Variants in SUPT3H observed in about 807,000 individuals in gnomAD.
The protein encoded by SUPT3H is transcription initiation protein SPT3 homolog.
In SUPT3H, 44 loss-of-function variants were observed where a neutral mutation model predicts 44.3. The ratio of observed to expected loss-of-function variants is 0.99; its 90% confidence interval spans 0.78 to 1.28. The LOEUF (loss-of-function observed/expected upper bound fraction) is 1.28. Among genes scored for constraint, SUPT3H ranks in the 50% most tolerant of loss-of-function variants. SUPT3H has a pLI of 0.00. For missense variants in SUPT3H, 380 were observed against 387.1 expected (o/e 0.98, Z 0.15); for synonymous variants, 124 against 125.6 (o/e 0.99, Z 0.09).
intron 2 of SUPT3H, among the ~76,000 whole-genome samples, chr6:45,276,138 CTGTT>C (rs1276974848): frequency 2.0e-5 from 3 of 152,092 alleles, no homozygotes; most frequent in South Asian, 4.1e-4. Flanking sequence ...TACTGCATTA[CTGTT>C]TATTTTACCA....
chr6:45,046,875 A>G (rs1318214105), intron 3 of SUPT3H, among the ~76,000 whole-genome samples: 1 of 152,186 alleles, frequency 6.6e-6, no homozygotes, highest in Non-Finnish European at 1.5e-5. Flanking sequence ...ACTCCTCTCA[A>G]TATAGTTAAG....
intron 3 of SUPT3H, among the ~76,000 whole-genome samples, chr6:45,026,747 G>T (rs1483983604): frequency 6.6e-6 from 1 of 151,968 alleles, no homozygotes; most frequent in Non-Finnish European, 1.5e-5. Flanking sequence ...AAAATTATCA[G>T]ATGACTTATT....
intron 2 of SUPT3H, among the ~76,000 whole-genome samples, chr6:45,142,736 C>CA (rs70993502): frequency 0.015 from 220 of 14,964 alleles, 67 homozygotes; most frequent in African/African-American, 0.026. Context: ...AACTCCGTCT[C>CA]AAAAAAAAAA....
In SUPT3H at chr6:45,329,426, G is replaced by C. The variant is rs151007996; in HGVS notation, c.101+35775C>G. Among the ~76,000 whole-genome samples, 1,326 of 151,974 alleles carry C rather than the reference G, an allele frequency of 8.7e-3. 10 individuals are homozygous for C. Among genetic ancestry groups the C allele is most frequent in the Non-Finnish European group, 0.014 (941 of 67,876 alleles). ...AAGCACATCACAGCCATTTTTAAAA[G>C]ATCTTTATAGTTGCCCAGGATATTA... On this transcript the variant is annotated intron_variant, in intron 2 of 10. Coordinates refer to ENST00000371459, the MANE Select transcript of SUPT3H (RefSeq NM_003599.4).
chr6:45,075,881 A>G (rs1411148), intron 3 of SUPT3H, among the ~76,000 whole-genome samples: 88,166 of 151,690 alleles, frequency 0.58, 26,540 homozygotes, highest in African/African-American at 0.74. Context: ...ATCTAAAATT[A>G]CTATGCTTGT....
At chr6:45,088,620 C>T (rs995944244) in intron 3 of SUPT3H, among the ~76,000 whole-genome samples, 2 of 151,988 alleles carry the variant, frequency 1.3e-5, no homozygotes, top group Non-Finnish European at 2.9e-5. Context: ...CAAAAACATT[C>T]CAGTCTACAA....
chr6:45,155,979 C>G (rs1285031), intron 2 of SUPT3H, among the ~76,000 whole-genome samples: 129,166 of 152,076 alleles, frequency 0.85, 55,118 homozygotes, highest in African/African-American at 0.89. Context: ...AATTCAAGGA[C>G]AATAAAGCCA....
intron 2 of SUPT3H, among the ~76,000 whole-genome samples, chr6:45,176,066 G>A (rs1009336082): frequency 1.3e-5 from 2 of 152,134 alleles, no homozygotes; most frequent in Non-Finnish European, 1.5e-5. Flanking sequence ...ATCTTGGGGG[G>A]AGGAGCCAAG....
downstream of SUPT3H, among the ~76,000 whole-genome samples, chr6:44,826,463 G>A (rs1046467047): frequency 1.3e-5 from 2 of 152,168 alleles, no homozygotes; most frequent in African/African-American, 4.8e-5. Context: ...GAGTGTTTAT[G>A]TACTATGAAA....
chr6:44,904,498 C>T (rs1239328274), intron 10 of SUPT3H, among the ~76,000 whole-genome samples: 1 of 152,080 alleles, frequency 6.6e-6, no homozygotes, highest in Non-Finnish European at 1.5e-5. Flanking sequence ...AAGTACAAAC[C>T]ACTGCTCAAA....
At chr6:44,837,052 G>C (rs1388622419) in intron 10 of SUPT3H, among the ~76,000 whole-genome samples, 1 of 152,156 alleles carries the variant, frequency 6.6e-6, no homozygotes, top group Non-Finnish European at 1.5e-5. Context: ...GTTTGTAATA[G>C]ATAACATCAA....
intron 2 of SUPT3H, among the ~76,000 whole-genome samples, chr6:45,268,544 G>A (rs1381970202): frequency 6.6e-6 from 1 of 152,144 alleles, no homozygotes. Context: ...TACATCAACT[G>A]ACATGAATTT....
chr6:44,905,008 C>G (rs1293392715), intron 10 of SUPT3H, among the ~76,000 whole-genome samples: 1 of 152,100 alleles, frequency 6.6e-6, no homozygotes, highest in East Asian at 1.9e-4. Flanking sequence ...ACACCTTATA[C>G]AAAAATTAAT....
intron 2 of SUPT3H, among the ~76,000 whole-genome samples, chr6:45,219,996 G>GCCA (rs112983096): frequency 2.4e-4 from 29 of 121,470 alleles, no homozygotes; most frequent in African/African-American, 8.7e-4. Flanking sequence ...CCGAGACCAT[G>GCCA]CCATTGCACT....
At position 45,118,210 on chromosome 6, in the gene SUPT3H, C is replaced by G. The variant is rs114307207; in HGVS notation, c.102-12204G>C. On this transcript the variant is annotated intron_variant, in intron 2 of 10. Transcript: ENST00000371459. ...TTTACTATGAAAAGATCAGTATGTA[C>G]TTGTAGAAGCTTACAATGAACATAT... Among the ~76,000 whole-genome samples, 953 of 152,088 alleles carry G rather than the reference C, an allele frequency of 6.3e-3. 14 individuals carry two copies. The highest frequency in any genetic ancestry group is 0.02 in the African/African-American group (831 of 41,514).
intron 10 of SUPT3H, among the ~76,000 whole-genome samples, chr6:44,883,102 G>C (rs950985791): frequency 6.6e-6 from 1 of 152,196 alleles, no homozygotes. Flanking sequence ...AATTGTCTCT[G>C]TTTGCAGGTG....
At chr6:44,898,459 C>T (rs532690411) in intron 10 of SUPT3H, among the ~76,000 whole-genome samples, 1 of 152,194 alleles carries the variant, frequency 6.6e-6, no homozygotes, top group Non-Finnish European at 1.5e-5. Context: ...CTATCAGCTA[C>T]GTAACAAATC....
chr6:45,000,607 G>A (rs1781889790), intron 6 of SUPT3H, among the ~76,000 whole-genome samples: 1 of 151,988 alleles, frequency 6.6e-6, no homozygotes, highest in Admixed American at 6.6e-5. Flanking sequence ...TCTATGGTCA[G>A]TTCATTTCAG....
chr6:45,328,320 T>G, intron 2 of SUPT3H: 4 of 1,372,182 alleles, frequency 2.9e-6, no homozygotes, highest in Non-Finnish European at 3.9e-6. Flanking sequence ...TTGGATTGTG[T>G]GAATGCTTCA....
Sources: gnomAD v4.1 joint callset for allele counts (sites outside exome capture counted in the v4.1 genomes callset) on GRCh38, gnomAD v4.1.1 for gene constraint, MANE v1.5 for transcripts, NCBI Gene and HGNC (gene_info 2026-07-23, HGNC 2026-07-21) for gene names.